Variants in OLFM2 observed in about 807,000 individuals in gnomAD.
OLFM2 encodes the protein noelin-2.
A neutral mutation model predicts 43.9 loss-of-function variants in OLFM2; 20 were observed. That is an observed-to-expected ratio of 0.46 (90% confidence interval 0.32 to 0.66). OLFM2 has a LOEUF of 0.66. Ranked by LOEUF, OLFM2 falls within the 30% of genes least tolerant of loss-of-function variation. The pLI is 0.04. For missense variants in OLFM2, 416 were observed against 643.6 expected (o/e 0.65, Z 3.83); for synonymous variants, 268 against 278.6 (o/e 0.96, Z 0.38).
intron 1 of OLFM2, chr19:9,913,823 C>T: frequency 5.8e-6 from 2 of 342,884 alleles, no homozygotes; most frequent in Non-Finnish European, 8.3e-6. Flanking sequence ...GCGGGCTCCT[C>T]TTATAAAGCG....
intron 1 of OLFM2, among the ~76,000 whole-genome samples, chr19:9,906,977 G>A (rs545307922): frequency 6.6e-6 from 1 of 152,282 alleles, no homozygotes; most frequent in East Asian, 1.9e-4. Context: ...CCTGGTGGCT[G>A]GGTCCTAGAG....
intron 1 of OLFM2, among the ~76,000 whole-genome samples, chr19:9,902,443 C>T (rs1240672504): frequency 1.4e-5 from 2 of 145,834 alleles, no homozygotes; most frequent in Admixed American, 7.1e-5. Context: ...AGTGCAATGG[C>T]GTGATCTCGG....
At chr19:9,901,667 T>C (rs2046741225) in intron 1 of OLFM2, among the ~76,000 whole-genome samples, 2 of 152,188 alleles carry the variant, frequency 1.3e-5, no homozygotes, top group Admixed American at 6.5e-5. Context: ...AGAGAATTTC[T>C]GGAGATTTGG....
chr19:9,911,615 C>T (rs1218255474), intron 1 of OLFM2, among the ~76,000 whole-genome samples: 1 of 152,172 alleles, frequency 6.6e-6, no homozygotes, highest in African/African-American at 2.4e-5. Context: ...CAAAGACATA[C>T]CTGTCCACAC....
chr19:9,855,223 CTT>C (rs34795349), intron 5 of OLFM2, among the ~76,000 whole-genome samples: 14 of 141,930 alleles, frequency 9.9e-5, no homozygotes, highest in Admixed American at 1.4e-4. Context: ...TGCTATTGGT[CTT>C]TTTTTTTTTT....
rs372548444 is a variant in OLFM2, at chr19:9,886,005, G to A, written c.64-25211C>T. Among the ~76,000 whole-genome samples the A allele has an allele frequency of 6.6e-5, 10 of 151,986 alleles. No individual in the cohort carries two copies. The East Asian group carries it at 1.2e-3, about 18-fold the overall frequency. On this transcript the variant is annotated intron_variant, in intron 1 of 5. Coordinates refer to ENST00000264833, the MANE Select transcript of OLFM2 (RefSeq NM_058164.4). ...CCAGCTACATGGGAGGCTGAGGTGG[G>A]AGGATTGCTAGAGCCCAGAAGGTTG...
intron 1 of OLFM2, among the ~76,000 whole-genome samples, chr19:9,870,133 G>A (rs1425436298): frequency 6.6e-6 from 1 of 151,842 alleles, no homozygotes; most frequent in Non-Finnish European, 1.5e-5. Flanking sequence ...GCACGCTCAC[G>A]GTTCACTGCA....
At chr19:9,894,123 T>C (rs894049468) in intron 1 of OLFM2, among the ~76,000 whole-genome samples, 6 of 151,914 alleles carry the variant, frequency 3.9e-5, no homozygotes, top group African/African-American at 1.2e-4. Flanking sequence ...TGAAACCCCA[T>C]ATCTACTAAA....
Position 9,936,488 on chromosome 19 carries a change from G to C in OLFM2, c.-122C>G. ...GCGACCCTGCGCCGCCGCCTCCCCC[G>C]CCTCGCCGGCGGCCGGGATTCCGCC... On this transcript the variant is annotated 5_prime_UTR_variant, in exon 1 of 6. Coordinates refer to ENST00000264833, the MANE Select transcript of OLFM2 (RefSeq NM_058164.4). 4 of 672,170 alleles carry C rather than the reference G, an allele frequency of 6.0e-6. No homozygotes were observed. Among genetic ancestry groups the C allele is most frequent in the Non-Finnish European group, 7.3e-6 (4 of 545,308 alleles). The allele number at this position is 672,170 out of a possible 1,614,324, so 41.6% of individuals were successfully genotyped here. A position where few individuals can be genotyped will look rare whatever the true frequency, so the allele number is the denominator to read the frequency against.
At chr19:9,858,985 T>C (rs1016594323) in intron 2 of OLFM2, among the ~76,000 whole-genome samples, 4 of 150,582 alleles carry the variant, frequency 2.7e-5, no homozygotes, top group East Asian at 2.0e-4. Context: ...AAGGTAGACC[T>C]TTACCTGGCT....
chr19:9,901,294 C>T (rs931047872), intron 1 of OLFM2, among the ~76,000 whole-genome samples: 5 of 151,010 alleles, frequency 3.3e-5, no homozygotes. Context: ...GATACAGTGG[C>T]CTGTGCCTGT....
intron 1 of OLFM2, among the ~76,000 whole-genome samples, chr19:9,863,257 G>A (rs62105756): frequency 0.23 from 35,014 of 151,930 alleles, 4,144 homozygotes; most frequent in South Asian, 0.27. Context: ...GTAAGTGGAG[G>A]CAGATGAGAG....
At chr19:9,875,553 C>T (rs1272960491) in intron 1 of OLFM2, among the ~76,000 whole-genome samples, 2 of 150,488 alleles carry the variant, frequency 1.3e-5, no homozygotes, top group African/African-American at 2.5e-5. Flanking sequence ...TGCAGTGGCA[C>T]GATCACGACT....
intron 1 of OLFM2, among the ~76,000 whole-genome samples, chr19:9,870,740 TTGG>T (rs1375027277): frequency 6.6e-6 from 1 of 152,148 alleles, no homozygotes; most frequent in Admixed American, 6.6e-5. Flanking sequence ...AAAAGCAGTC[TTGG>T]TGGTCCCTGC....
chr19:9,901,452 AAAC>A (rs2046739256), intron 1 of OLFM2, among the ~76,000 whole-genome samples: 3 of 152,008 alleles, frequency 2.0e-5, no homozygotes, highest in African/African-American at 7.3e-5. Context: ...ACAAACAAAC[AAAC>A]AAAAAACATA....
At chr19:9,901,466 A>C (rs150862404) in intron 1 of OLFM2, among the ~76,000 whole-genome samples, 2 of 152,184 alleles carry the variant, frequency 1.3e-5, no homozygotes, top group South Asian at 2.1e-4. Context: ...AAAAAACATA[A>C]TGAAAGAAAG....
chr19:9,877,577 CAATAA>C (rs2046502198), intron 1 of OLFM2, among the ~76,000 whole-genome samples: 1 of 146,392 alleles, frequency 6.8e-6, no homozygotes, highest in South Asian at 2.2e-4. Flanking sequence ...TAAATAAATA[CAATAA>C]AATAAAAATA....
At chr19:9,925,682 A>G (rs1305884215) in intron 1 of OLFM2, among the ~76,000 whole-genome samples, 3 of 151,002 alleles carry the variant, frequency 2.0e-5, no homozygotes, top group Admixed American at 2.0e-4. Context: ...CAATCCACCC[A>G]CCTCAGCCTC....
intron 1 of OLFM2, among the ~76,000 whole-genome samples, chr19:9,909,841 T>C (rs10424394): frequency 0.62 from 94,438 of 151,930 alleles, 29,598 homozygotes; most frequent in Admixed American, 0.67. Context: ...GAGGGGTAAA[T>C]AAAACAACCC....
Sources: gnomAD v4.1 joint callset for allele counts (sites outside exome capture counted in the v4.1 genomes callset) on GRCh38, gnomAD v4.1.1 for gene constraint, MANE v1.5 for transcripts, NCBI Gene and HGNC (gene_info 2026-07-23, HGNC 2026-07-21) for gene names.